DIP2C: variants seen among roughly 807,000 people sequenced by gnomAD.
DIP2C encodes the protein DIP2 acetate--CoA ligase C (putative), also known as disco-interacting protein 2 homolog C.
In DIP2C, 33 loss-of-function variants were observed where a neutral mutation model predicts 192.4. The ratio of observed to expected loss-of-function variants is 0.17; its 90% CI spans 0.13 to 0.23. DIP2C has a LOEUF of 0.23. Among genes scored for constraint, DIP2C ranks in the 10% least tolerant of loss-of-function variants. DIP2C has a pLI of 1.00. For synonymous variants in DIP2C, 979 were observed against 864.1 expected, an observed-to-expected ratio of 1.13 and a Z score of -2.33; for missense variants, 1,537 against 2,110.1, an observed-to-expected ratio of 0.73 and a Z score of 5.32.
At chr10:387,541 C>G (rs1279718425) in intron 14 of DIP2C, among the ~76,000 whole-genome samples, 7 of 135,246 alleles carry the variant, frequency 5.2e-5, no homozygotes, top group Non-Finnish European at 1.1e-4. Flanking sequence ...GGAGGGGACT[C>G]CTGTGTGGAC....
chr10:315,974 A>G (rs1166702320), intron 31 of DIP2C, among the ~76,000 whole-genome samples: 3 of 152,128 alleles, frequency 2.0e-5, no homozygotes, highest in Non-Finnish European at 4.4e-5. Flanking sequence ...TTTATTTCTA[A>G]TACTAGTTTT....
At chr10:612,333 C>T (rs564448904) in intron 1 of DIP2C, among the ~76,000 whole-genome samples, 18 of 152,060 alleles carry the variant, frequency 1.2e-4, no homozygotes, top group Middle Eastern at 3.4e-3. Context: ...AATTCTTCAC[C>T]GATGTCAAAT....
chr10:588,895 G>C (rs910225988), intron 1 of DIP2C, among the ~76,000 whole-genome samples: 1 of 152,178 alleles, frequency 6.6e-6, no homozygotes, highest in Non-Finnish European at 1.5e-5. Flanking sequence ...CGGGCCCCAC[G>C]TTTGTGTGAG....
chr10:309,902 C>T (rs988676974), intron 32 of DIP2C, 129 bp downstream of exon 32: 3 of 905,378 alleles, frequency 3.3e-6, no homozygotes, highest in Non-Finnish European at 5.1e-6. Context: ...CCACTTCACT[C>T]ATGAGACAGT....
intron 1 of DIP2C, among the ~76,000 whole-genome samples, chr10:538,170 T>C (rs1217005760): frequency 1.3e-5 from 2 of 152,152 alleles, no homozygotes. Context: ...CCGAGGAGTT[T>C]TCTTTGGGAC....
intron 1 of DIP2C, among the ~76,000 whole-genome samples, chr10:561,471 G>A (rs967683764): frequency 2.6e-5 from 4 of 152,140 alleles, no homozygotes; most frequent in African/African-American, 9.7e-5. Flanking sequence ...CAGCAACAAC[G>A]CAACCAAACG....
At chr10:493,719 GAA>G (rs1844617350) in intron 1 of DIP2C, among the ~76,000 whole-genome samples, 1 of 152,212 alleles carries the variant, frequency 6.6e-6, no homozygotes, top group Non-Finnish European at 1.5e-5. Context: ...GTGGACAGGA[GAA>G]AGGATGGAGG....
intron 1 of DIP2C, among the ~76,000 whole-genome samples, chr10:643,550 G>A (rs896325173): frequency 7.9e-5 from 12 of 152,126 alleles, no homozygotes; most frequent in Non-Finnish European, 1.2e-4. Context: ...ACAGAAGCCC[G>A]TGGAACAAGC....
intron 1 of DIP2C, among the ~76,000 whole-genome samples, chr10:488,545 T>C (rs1363903673): frequency 1.3e-5 from 2 of 152,216 alleles, no homozygotes; most frequent in Non-Finnish European, 2.9e-5. Context: ...CTAAAGCTGG[T>C]GTGGTGCCCA....
At chr10:580,370 A>ATG (rs1289891156) in intron 1 of DIP2C, among the ~76,000 whole-genome samples, 3 of 152,308 alleles carry the variant, frequency 2.0e-5, no homozygotes, top group South Asian at 4.1e-4. Context: ...GTGTGCACAC[A>ATG]TGTATATATA....
At chr10:514,849 G>A (rs560516107) in intron 1 of DIP2C, among the ~76,000 whole-genome samples, 3 of 152,242 alleles carry the variant, frequency 2.0e-5, no homozygotes, top group East Asian at 3.9e-4. Context: ...GTGCTTGGAG[G>A]ATTTATTCCC....
At position 666,406 on chromosome 10, in the gene DIP2C, G is replaced by C. The variant is rs1857091979; in HGVS notation, c.85+23088C>G. ...CCCTCCCGCACTGATGTGAACACGG[G>C]AGTAACACCGCGCGTGGGGAATCCA... On this transcript the variant is annotated intron_variant, in intron 1 of 36. Transcript: ENST00000280886. This position sits in a 1 kb window ranked among gnomAD's most constrained non-coding sequence, Gnocchi z 4.1. 6.6e-6 allele frequency: 1 copy of C among 152,262 alleles called. No homozygotes were observed. 9.4% of individuals were successfully genotyped at this position (152,262 alleles called of 1,614,324 possible). A position where few individuals can be genotyped will look rare whatever the true frequency, so the allele number is the denominator to read the frequency against.
chr10:534,674 T>A lies in DIP2C; in HGVS notation c.86-48144A>T, dbSNP rs537902578. Among the ~76,000 whole-genome samples, 868 of 150,438 alleles carry A rather than the reference T, an allele frequency of 5.8e-3. 8 individuals are homozygous for A. The highest frequency in any genetic ancestry group is 6.7e-3 in the Non-Finnish European group (451 of 67,458). On this transcript the variant is annotated intron_variant, in intron 1 of 36. Coordinates refer to ENST00000280886, the MANE Select transcript of DIP2C (RefSeq NM_014974.3). ...GTTTGTCTGCTGGATGATTATTATT[T>A]TTTTTTTTTTTTTGAGACGGAGTCT...
At chr10:574,785 G>C (rs1056140253) in intron 1 of DIP2C, among the ~76,000 whole-genome samples, 2 of 152,244 alleles carry the variant, frequency 1.3e-5, no homozygotes, top group Non-Finnish European at 2.9e-5. Context: ...AATGTGCTAT[G>C]ATACTAGAGG....
intron 29 of DIP2C, among the ~76,000 whole-genome samples, chr10:334,859 A>C (rs895941901): frequency 6.6e-6 from 1 of 152,236 alleles, no homozygotes; most frequent in African/African-American, 2.4e-5. Flanking sequence ...ATCAGGAATG[A>C]GAAGTTCTGA....
At chr10:423,174 A>C (rs1250597989) in intron 4 of DIP2C, 141 bp from the exon 5 acceptor site, 1 of 766,314 alleles carries the variant, frequency 1.3e-6, no homozygotes, top group Non-Finnish European at 2.0e-6. Context: ...TGAGAAGTTA[A>C]ACCACGTTTC....
chr10:360,190 CCTCCCCATGCAGA>C (rs1959278204), intron 22 of DIP2C, among the ~76,000 whole-genome samples: 2 of 152,152 alleles, frequency 1.3e-5, no homozygotes, highest in African/African-American at 4.8e-5. Flanking sequence ...ACCTTGAATG[CCTCCCCATGCAGA>C]CTAGGGCCTG....
chr10:642,042 A>G (rs976618805), intron 1 of DIP2C, among the ~76,000 whole-genome samples: 1 of 152,216 alleles, frequency 6.6e-6, no homozygotes, highest in Non-Finnish European at 1.5e-5. Context: ...AAAGAAAGAA[A>G]GAAATACAGG....
intron 35 of DIP2C, among the ~76,000 whole-genome samples, chr10:282,720 C>T (rs994083925): frequency 6.6e-6 from 1 of 152,268 alleles, no homozygotes; most frequent in Admixed American, 6.5e-5. Flanking sequence ...GTCCACCTGG[C>T]TGCTCCACAC....
Sources: gnomAD v4.1 joint callset for allele counts (sites outside exome capture counted in the v4.1 genomes callset) on GRCh38, gnomAD v4.1.1 for gene constraint, Gnocchi (gnomAD v3.1) non-coding constraint, MANE v1.5 for transcripts, NCBI Gene and HGNC (gene_info 2026-07-23, HGNC 2026-07-21) for gene names.